Variants in KIF16B observed in about 807,000 individuals in gnomAD.
The protein encoded by KIF16B is kinesin family member 16B, also known as kinesin-like protein KIF16B.
KIF16B carries 98 observed loss-of-function variants against 156.3 expected under a neutral mutation model. The ratio of observed to expected loss-of-function variants is 0.63; its 90% CI spans 0.53 to 0.74. The LOEUF is 0.74. KIF16B is among the 30% of genes least tolerant of loss of function. The pLI is 0.00. For synonymous variants in KIF16B, 564 were observed against 583.7 expected, an observed-to-expected ratio of 0.97 and a Z score of 0.49; for missense variants, 1,421 against 1,606.5, an observed-to-expected ratio of 0.88 and a Z score of 1.97.
chr20:16,352,337 TCA>T (rs2064353837), intron 23 of KIF16B, among the ~76,000 whole-genome samples: 1 of 152,228 alleles, frequency 6.6e-6, no homozygotes, highest in Non-Finnish European at 1.5e-5. Flanking sequence ...TTATATATCC[TCA>T]GTTATTTCAT....
chr20:16,279,767 A>G (rs991711690), intron 25 of KIF16B, among the ~76,000 whole-genome samples: 2 of 152,190 alleles, frequency 1.3e-5, no homozygotes, highest in Admixed American at 6.5e-5. Context: ...ACATAGCCCA[A>G]TCTTTAAATT....
chr20:16,572,329 T>C (rs926948339), intron 1 of KIF16B, among the ~76,000 whole-genome samples: 2 of 152,190 alleles, frequency 1.3e-5, no homozygotes, highest in African/African-American at 2.4e-5. Context: ...CTCCACAAGT[T>C]GATATGACAA....
At chr20:16,537,913 A>G (rs1288133165) in intron 1 of KIF16B, among the ~76,000 whole-genome samples, 1 of 151,950 alleles carries the variant, frequency 6.6e-6, no homozygotes, top group Non-Finnish European at 1.5e-5. Flanking sequence ...CATGTTGGCC[A>G]GGCTGGTCTC....
intron 23 of KIF16B, among the ~76,000 whole-genome samples, chr20:16,355,957 A>G (rs1205935973): frequency 2.6e-5 from 4 of 152,260 alleles, no homozygotes; most frequent in Non-Finnish European, 5.9e-5. Flanking sequence ...AGAAAAATTA[A>G]GACTAAGCCC....
chr20:16,462,721 A>G (rs2067381176), intron 12 of KIF16B, among the ~76,000 whole-genome samples: 1 of 152,178 alleles, frequency 6.6e-6, no homozygotes, highest in Non-Finnish European at 1.5e-5. Flanking sequence ...AAGCAGCCCC[A>G]AAATCATTGC....
At chr20:16,504,569 A>T in intron 9 of KIF16B, 22 bp from the exon 10 acceptor site, 1 of 1,605,440 alleles carries the variant, frequency 6.2e-7, no homozygotes, top group South Asian at 1.1e-5. Context: ...GTATTCAAAA[A>T]ATAATTTATC....
At chr20:16,274,665 T>C (rs1252827133) in intron 25 of KIF16B, among the ~76,000 whole-genome samples, 2 of 152,200 alleles carry the variant, frequency 1.3e-5, no homozygotes, top group Non-Finnish European at 2.9e-5. Flanking sequence ...CCTGGAGCAG[T>C]AGTTCCCAAC....
At chr20:16,568,674 G>C (rs990552241) in intron 1 of KIF16B, among the ~76,000 whole-genome samples, 14 of 151,950 alleles carry the variant, frequency 9.2e-5, no homozygotes, top group Admixed American at 2.6e-4. Context: ...AATTAGCCAA[G>C]TGTGGTGGTG....
intron 1 of KIF16B, among the ~76,000 whole-genome samples, chr20:16,555,994 G>T (rs1025687079): frequency 6.6e-6 from 1 of 152,184 alleles, no homozygotes; most frequent in Non-Finnish European, 1.5e-5. Context: ...TGGAAACAAG[G>T]TTCCCTTGGG....
chr20:16,395,064 A>T (rs1366762418), intron 17 of KIF16B, among the ~76,000 whole-genome samples: 1 of 150,686 alleles, frequency 6.6e-6, no homozygotes, highest in African/African-American at 2.5e-5. Flanking sequence ...CGTGGACAGC[A>T]AAGCTAAGGC....
chr20:16,360,588 T>C (rs2064532669), intron 22 of KIF16B, among the ~76,000 whole-genome samples: 1 of 152,128 alleles, frequency 6.6e-6, no homozygotes, highest in Admixed American at 6.5e-5. Flanking sequence ...TATTTAGAAA[T>C]AAAAAGTCAA....
chr20:16,339,143 G>T (rs2064096453), intron 23 of KIF16B, among the ~76,000 whole-genome samples: 1 of 152,084 alleles, frequency 6.6e-6, no homozygotes, highest in Admixed American at 6.5e-5. Context: ...GTTAATTGCG[G>T]TGTCTTTCAG....
chr20:16,415,486 G>A (rs1318806895), intron 15 of KIF16B, among the ~76,000 whole-genome samples: 1 of 151,970 alleles, frequency 6.6e-6, no homozygotes, highest in Non-Finnish European at 1.5e-5. Flanking sequence ...CTAAACAAAA[G>A]CTGCATCATC....
At chr20:16,470,660 T>C (rs1326865227) in intron 12 of KIF16B, among the ~76,000 whole-genome samples, 87 of 147,548 alleles carry the variant, frequency 5.9e-4, no homozygotes, top group Non-Finnish European at 1.1e-3. Context: ...ATTCTTTTTT[T>C]CTTTTTTTTT....
At chr20:16,562,489 G>T (rs2071098322) in intron 1 of KIF16B, among the ~76,000 whole-genome samples, 1 of 152,190 alleles carries the variant, frequency 6.6e-6, no homozygotes, top group Admixed American at 6.5e-5. Flanking sequence ...GGAGAACAAT[G>T]TGAGACATGC....
chr20:16,557,283 C>T (rs559570303), intron 1 of KIF16B, among the ~76,000 whole-genome samples: 1 of 152,046 alleles, frequency 6.6e-6, no homozygotes, highest in South Asian at 2.1e-4. Context: ...CAGGTTCATG[C>T]GACTCTCCTG....
chr20:16,274,093 A>G (rs2063025217), intron 25 of KIF16B, among the ~76,000 whole-genome samples: 1 of 152,052 alleles, frequency 6.6e-6, no homozygotes, highest in Non-Finnish European at 1.5e-5. Context: ...AAAAACAAAA[A>G]AAAAAGGCCG....
At position 16,379,650 on chromosome 20, in the gene KIF16B, T is replaced by G; in HGVS notation, c.2352A>C (p.Val784=). Residue 784 remains valine (V), a synonymous_variant, in exon 19 of 26, where the codon GTA becomes GTC. Transcript: ENST00000354981. ...EMIQLLRRGE[V]QWVEEEKRDL... ...CCCTCTTCTCCTCTTCCACCCACTG[T>G]ACCTCCCCACGCCGCAGGAGCTGGA... 6.2e-7 allele frequency: 1 copy of G among 1,614,126 alleles called. No homozygotes were observed. Among genetic ancestry groups the G allele is most frequent in the East Asian group, 2.2e-5 (1 of 44,868 alleles).
Position 16,553,024 on chromosome 20 carries a change from C to T in KIF16B, c.47+20205G>A, listed in dbSNP as rs111686004. Among the ~76,000 whole-genome samples, 644 of 152,222 alleles carry T rather than the reference C, an allele frequency of 4.2e-3. 3 individuals are homozygous for T. The highest frequency in any genetic ancestry group is 0.015 in the African/African-American group (610 of 41,530). On this transcript the variant is annotated intron_variant, in intron 1 of 25. Coordinates refer to ENST00000354981, the MANE Select transcript of KIF16B (RefSeq NM_024704.5). ...CAAGTGATCCACCCACCTCGGCCTC[C>T]CAAAGTGCTGGGATTACAGGCATGA...
Sources: allele counts gnomAD v4.1 joint callset (sites outside exome capture counted in the v4.1 genomes callset), GRCh38; gene constraint gnomAD v4.1.1; transcripts MANE v1.5; gene names NCBI Gene and HGNC (gene_info 2026-07-23, HGNC 2026-07-21).